The following AFF2 variants were observed in gnomAD, a reference collection of about 807,000 sequenced individuals.
AFF2 encodes the protein ALF transcription elongation factor 2, also known as AF4/FMR2 family member 2.
Under a neutral mutation model 76.9 loss-of-function variants are expected in AFF2, and 14 were observed. That is an observed-to-expected ratio of 0.18 (90% CI 0.12 to 0.28). The LOEUF (loss-of-function observed/expected upper bound fraction) is 0.28, where lower values mean the gene tolerates loss of function less well. Among genes scored for constraint, AFF2 ranks in the 10% least tolerant of loss-of-function variants. The pLI, the probability that AFF2 is intolerant of heterozygous loss-of-function variation, is 1.00. For synonymous variants in AFF2, 398 were observed against 366.7 expected (o/e 1.09, Z -0.98); for missense variants, 868 against 1,001.1 (o/e 0.87, Z 1.79).
At chrX:148,733,907 C>T (rs782780168) in intron 3 of AFF2, among the ~76,000 whole-genome samples, 8 of 112,459 alleles carry the variant, frequency 7.1e-5, no homozygotes, top group Non-Finnish European at 1.1e-4. Context: ...CCAAAACCTA[C>T]CTAGCTATTT....
chrX:148,792,997 A>T (rs1238076012), intron 3 of AFF2, among the ~76,000 whole-genome samples: 2 of 111,802 alleles, frequency 1.8e-5, no homozygotes, highest in Non-Finnish European at 3.8e-5. Context: ...AAGTACTATT[A>T]TTTTCTGCAC....
intron 1 of AFF2, among the ~76,000 whole-genome samples, chrX:148,506,932 G>T (rs1322747931): frequency 8.9e-6 from 1 of 111,944 alleles, no homozygotes; most frequent in Non-Finnish European, 1.9e-5. Context: ...TGTGTTTGTT[G>T]CTCTTTTCGC....
chrX:148,730,966 T>G (rs1557264619), intron 3 of AFF2, among the ~76,000 whole-genome samples: 1 of 111,849 alleles, frequency 8.9e-6, no homozygotes, highest in African/African-American at 3.2e-5. Context: ...TACATAAATC[T>G]GGGCAAGACT....
chrX:148,892,545 G>A (rs373292053), intron 8 of AFF2, among the ~76,000 whole-genome samples: 3 of 111,208 alleles, frequency 2.7e-5, no homozygotes, highest in African/African-American at 6.5e-5. Flanking sequence ...CATAGCCACC[G>A]AAGACCCAAA....
chrX:148,594,872 CAG>C (rs1327609355), intron 1 of AFF2, among the ~76,000 whole-genome samples: 3 of 111,992 alleles, frequency 2.7e-5, no homozygotes, highest in African/African-American at 9.7e-5. Context: ...GAGGATAAAA[CAG>C]AGGTTTGTTG....
At chrX:148,749,536 T>A (rs927345996) in intron 3 of AFF2, among the ~76,000 whole-genome samples, 1 of 111,846 alleles carries the variant, frequency 8.9e-6, no homozygotes, top group Admixed American at 9.5e-5. Context: ...CTACATCTGC[T>A]ATATATTGAG....
intron 1 of AFF2, among the ~76,000 whole-genome samples, chrX:148,576,122 G>A (rs2053284936): frequency 9.0e-6 from 1 of 111,553 alleles, no homozygotes; most frequent in South Asian, 3.6e-4. Flanking sequence ...AAGATCATAG[G>A]CAGCAGCACC....
At position 148,991,233 on chromosome X, in the gene AFF2, G is replaced by A. The variant is rs61743576; in HGVS notation, c.3837G>A (p.Thr1279=). ...ENKEFFGDLD[T]LMGPLTQHSS... Reference sequence around the variant, plus strand: ...CAGAATTCTTTGGTGATCTGGACACGCTGATGGGGCCTCTGACCCAGCACA... The same window carrying A: ...CAGAATTCTTTGGTGATCTGGACACACTGATGGGGCCTCTGACCCAGCACA... The change falls in exon 21 of 21, where the codon ACG becomes ACA. Residue 1279 remains threonine, a synonymous_variant. Transcript: ENST00000370460. 5.3e-3 allele frequency: 6,369 copies of A among 1,204,874 alleles called. 86 individuals carry two copies. Among genetic ancestry groups the A allele is most frequent in the African/African-American group, 0.049 (2,793 of 57,039 alleles).
chrX:148,559,563 T>C lies in AFF2; in HGVS notation c.47+58419T>C, dbSNP rs1557240177. ...TCCTGTGTTAGTTTGCTGAGAATGA[T>C]GGTTTCCAGCGTCATCCATGTCCCT... On this transcript the variant is annotated intron_variant, in intron 1 of 20. Coordinates refer to ENST00000370460, the MANE Select transcript of AFF2 (RefSeq NM_002025.4). Among the ~76,000 whole-genome samples the C allele has an allele frequency of 2.7e-5, 3 of 111,565 alleles. No homozygotes were observed. The South Asian group carries it at 1.1e-3, about 43-fold the overall frequency.
At chrX:148,906,385 G>A (rs782225102) in intron 9 of AFF2, among the ~76,000 whole-genome samples, 1 of 111,498 alleles carries the variant, frequency 9.0e-6, no homozygotes, top group Admixed American at 9.5e-5. Flanking sequence ...CCCATTGAGA[G>A]GGGGACTGAG....
chrX:148,841,876 C>T (rs2070604613), intron 5 of AFF2, among the ~76,000 whole-genome samples: 1 of 111,780 alleles, frequency 8.9e-6, no homozygotes, highest in Admixed American at 9.5e-5. Context: ...TTTTCTGCCT[C>T]TTGTTGAGTT....
rs142843103 is a variant in AFF2, at chrX:148,905,449, G to A, written c.1397+1191G>A. 1.3e-3 allele frequency among the ~76,000 whole-genome samples: 146 copies of A among 112,315 alleles called. 1 individual carries two copies. The highest frequency in any genetic ancestry group is 5.5e-3 in the South Asian group (15 of 2,703). ...TTCTCTGCAGCCTGATTTCTTTTCCGTCTGAATGCCCTAAAGGCTCCTCCA... is the reference window on the plus strand; with the variant it reads ...TTCTCTGCAGCCTGATTTCTTTTCCATCTGAATGCCCTAAAGGCTCCTCCA... On this transcript the variant is annotated intron_variant, in intron 9 of 20. Coordinates refer to ENST00000370460, the MANE Select transcript of AFF2 (RefSeq NM_002025.4).
At chrX:148,505,953 GTC>G (rs1220555516) in intron 1 of AFF2, among the ~76,000 whole-genome samples, 3 of 95,340 alleles carry the variant, frequency 3.1e-5, no homozygotes, top group Non-Finnish European at 4.3e-5. Context: ...GAGTGTGTGT[GTC>G]TGTGTGTGTG....
intron 1 of AFF2, among the ~76,000 whole-genome samples, chrX:148,635,850 G>A (rs998926137): frequency 9.1e-6 from 1 of 109,712 alleles, no homozygotes; most frequent in Non-Finnish European, 1.9e-5. Context: ...TGAGGAGCGG[G>A]GGGCAGAGAA....
chrX:148,868,831 A>G (rs1432076215), intron 7 of AFF2, among the ~76,000 whole-genome samples: 1 of 111,924 alleles, frequency 8.9e-6, no homozygotes, highest in Non-Finnish European at 1.9e-5. Flanking sequence ...CTTACATGCT[A>G]GATAGAACAA....
intron 3 of AFF2, among the ~76,000 whole-genome samples, chrX:148,700,030 T>A (rs1482643010): frequency 1.8e-5 from 2 of 111,439 alleles, no homozygotes; most frequent in Non-Finnish European, 3.8e-5. Context: ...TCATCCTGTT[T>A]AAGAAATGGA....
At chrX:148,877,132 C>A (rs150709713) in intron 7 of AFF2, among the ~76,000 whole-genome samples, 7,539 of 111,661 alleles carry the variant, frequency 0.068, 316 homozygotes, top group African/African-American at 0.15. Flanking sequence ...GGTCAGCTGG[C>A]ACCTTTGGCA....
chrX:148,939,404 C>T (rs1243520115), intron 9 of AFF2, among the ~76,000 whole-genome samples: 1 of 111,299 alleles, frequency 9.0e-6, no homozygotes, highest in Non-Finnish European at 1.9e-5. Flanking sequence ...GACTTTTTGC[C>T]TTTATATATT....
At chrX:148,881,019 G>A (rs1294451593) in intron 7 of AFF2, among the ~76,000 whole-genome samples, 1 of 112,405 alleles carries the variant, frequency 8.9e-6, no homozygotes, top group Non-Finnish European at 1.9e-5. Flanking sequence ...CATGGTGAAA[G>A]AGATAGCACT....
Sources: gnomAD v4.1 joint callset for allele counts (sites outside exome capture counted in the v4.1 genomes callset) on GRCh38, gnomAD v4.1.1 for gene constraint, MANE v1.5 for transcripts, NCBI Gene and HGNC (gene_info 2026-07-23, HGNC 2026-07-21) for gene names.